Variants in ITSN2 observed in about 807,000 individuals in gnomAD.
The protein encoded by ITSN2 is intersectin 2.
ITSN2 carries 156 observed loss-of-function variants against 243.7 expected under a neutral mutation model. The observed-to-expected ratio is 0.64, with a 90% CI of 0.56 to 0.73. The LOEUF is 0.73. ITSN2 is among the 30% of genes least tolerant of loss of function. ITSN2 has a pLI of 0.00. For missense variants in ITSN2, 1,801 were observed against 1,996.1 expected, an observed-to-expected ratio of 0.90 and a Z score of 1.86; for synonymous variants, 703 against 699.9, an observed-to-expected ratio of 1.00 and a Z score of -0.07.
chr2:24,206,435 C>T (rs1023293682), intron 37 of ITSN2, among the ~76,000 whole-genome samples: 2 of 151,216 alleles, frequency 1.3e-5, no homozygotes, highest in African/African-American at 4.8e-5. Flanking sequence ...TGGCTCAGAG[C>T]ACAGGCCCCC....
chr2:24,237,364 A>G, intron 29 of ITSN2, among the ~76,000 whole-genome samples: 1 of 5,778 alleles, frequency 1.7e-4, no homozygotes, highest in Non-Finnish European at 4.0e-4. Context: ...TTTCTCATAT[A>G]ACCTGTTTCC....
chr2:24,215,920 T>G, intron 32 of ITSN2, 129 bp downstream of exon 32: 3 of 597,958 alleles, frequency 5.0e-6, no homozygotes, highest in African/African-American at 1.9e-5. Flanking sequence ...TTCTCTGCCG[T>G]TTTGGTGTTT....
intron 8 of ITSN2, among the ~76,000 whole-genome samples, chr2:24,308,119 G>A (rs1682786933): frequency 6.6e-6 from 1 of 152,198 alleles, no homozygotes; most frequent in African/African-American, 2.4e-5. Context: ...TTCAGATGAT[G>A]TTCTGGCCTG....
chr2:24,252,612 A>G, intron 24 of ITSN2, 101 bp from the exon 25 acceptor site: 1 of 736,396 alleles, frequency 1.4e-6, no homozygotes, highest in Non-Finnish European at 2.0e-6. Context: ...AGTTTGCTGT[A>G]AAAGACCTTG....
intron 1 of ITSN2, among the ~76,000 whole-genome samples, chr2:24,333,959 G>A (rs529868859): frequency 1.3e-4 from 20 of 152,124 alleles, no homozygotes; most frequent in South Asian, 4.2e-4. Context: ...GCACAATCTC[G>A]GCTCACTGCA....
chr2:24,334,388 T>C, intron 1 of ITSN2: 1 of 379,686 alleles, frequency 2.6e-6, no homozygotes. Flanking sequence ...AGAGATGGGG[T>C]TTCACCATCT....
intron 17 of ITSN2, among the ~76,000 whole-genome samples, chr2:24,276,340 C>T (rs1678013191): frequency 6.6e-6 from 1 of 152,130 alleles, no homozygotes; most frequent in Non-Finnish European, 1.5e-5. Context: ...AAAATCATGA[C>T]CACCATGAGC....
chr2:24,335,923 C>G (rs937596468), intron 1 of ITSN2, among the ~76,000 whole-genome samples: 18 of 151,792 alleles, frequency 1.2e-4, no homozygotes, highest in Admixed American at 3.3e-4. Context: ...TGAGCAACCA[C>G]GCCCAGCCCA....
chr2:24,331,430 T>TG (rs1558641201), intron 1 of ITSN2, among the ~76,000 whole-genome samples: 2 of 152,022 alleles, frequency 1.3e-5, no homozygotes, highest in Non-Finnish European at 1.5e-5. Context: ...TTGTTGTTTT[T>TG]GGGGGAAGGG....
chr2:24,305,666 A>G (rs1682441003), intron 8 of ITSN2, among the ~76,000 whole-genome samples: 2 of 151,586 alleles, frequency 1.3e-5, no homozygotes, highest in South Asian at 4.2e-4. Flanking sequence ...CCTCATCCTC[A>G]TGTTCTTGGG....
At chr2:24,229,609 A>G (rs959860957) in intron 29 of ITSN2, among the ~76,000 whole-genome samples, 2 of 152,154 alleles carry the variant, frequency 1.3e-5, no homozygotes, top group Non-Finnish European at 2.9e-5. Context: ...CAAAGAACCC[A>G]CAGAACCAAT....
At chr2:24,271,642 A>G in intron 19 of ITSN2, 124 bp downstream of exon 19, 1 of 1,244,622 alleles carries the variant, frequency 8.0e-7, no homozygotes, top group East Asian at 2.6e-5. Flanking sequence ...TTTAATTTAT[A>G]AAAAGGTTTT....
Position 24,221,065 on chromosome 2 carries a change from C to T in ITSN2, c.3579G>A (p.Trp1193Ter), listed in dbSNP as rs901515281. 3.1e-6 allele frequency: 5 copies of T among 1,598,286 alleles called. No individual in the cohort carries two copies. Among genetic ancestry groups the T allele is most frequent in the African/African-American group, 1.4e-5 (1 of 73,874 alleles). ...MTTDSDPSQQ[W>*]CADLQTLDTM... The stretch of plus-strand genomic sequence containing the variant: ...TGTCCAGGGTTTGCAGATCAGCACA[C>T]CCTGTGGAAAAAACAGGGTAGTTTA... The change falls in exon 30 of 40, where the codon TGG becomes TGA. Residue 1193 changes from tryptophan to a stop codon, truncating the protein, a stop_gained and splice_region_variant. Transcript: ENST00000355123. LOFTEE classifies it high-confidence loss of function.
intron 1 of ITSN2, among the ~76,000 whole-genome samples, chr2:24,333,912 C>CA (rs1158707765): frequency 6.6e-6 from 1 of 152,152 alleles, no homozygotes; most frequent in Non-Finnish European, 1.5e-5. Context: ...TTTTTTGAGA[C>CA]AGAGTCTCAT....
Position 24,204,454 on chromosome 2 carries a change from T to A in ITSN2, c.4763-36A>T, listed in dbSNP as rs374885580. On this transcript the variant is annotated intron_variant, in intron 38 of 39. Coordinates refer to ENST00000355123, the MANE Select transcript of ITSN2 (RefSeq NM_006277.3). The surrounding 1 kb of genome is among the most constrained non-coding windows in gnomAD (Gnocchi z 5.1). ...ACAAACCACAGACACATGTGGTGCA[T>A]GCAGGTAAAACGAAGCGACTGACAG... 4.5e-5 allele frequency: 72 copies of A among 1,607,630 alleles called. No individual in the cohort carries two copies. Among genetic ancestry groups the A allele is most frequent in the Middle Eastern group, 1.6e-4 (1 of 6,078 alleles).
Position 24,257,985 on chromosome 2 carries a change from G to A in ITSN2, c.2791C>T (p.Gln931Ter). The A allele has an allele frequency of 6.2e-7, 1 of 1,613,904 alleles. No homozygotes were observed. The highest frequency in any genetic ancestry group is 1.3e-5 in the African/African-American group (1 of 74,992). Residue 931 changes from glutamine to a stop codon, truncating the protein, a stop_gained, in exon 23 of 40, where the codon CAA becomes TAA. Coordinates refer to ENST00000355123, the MANE Select transcript of ITSN2 (RefSeq NM_006277.3). LOFTEE classifies it high-confidence loss of function. ...ACCTCCCCAAACCACCAATTTTCTT[G>A]CTGCTCCAAGACAGTAATAATGTCA... ...KHDIITVLEQ[Q>*]ENWWFGEVHG...
intron 13 of ITSN2, among the ~76,000 whole-genome samples, chr2:24,297,470 A>G (rs1681116165): frequency 6.6e-6 from 1 of 152,230 alleles, no homozygotes; most frequent in Non-Finnish European, 1.5e-5. Context: ...GCTAAGAACT[A>G]CAATCCTGCA....
At chr2:24,309,291 CA>C (rs1234093590) in intron 7 of ITSN2, among the ~76,000 whole-genome samples, 1 of 152,208 alleles carries the variant, frequency 6.6e-6, no homozygotes, top group Non-Finnish European at 1.5e-5. Context: ...CTCCCGGGTT[CA>C]AGCAATTCTC....
chr2:24,324,089 A>G (rs2151818853), intron 2 of ITSN2, among the ~76,000 whole-genome samples: 1 of 152,196 alleles, frequency 6.6e-6, no homozygotes, highest in Admixed American at 6.5e-5. Flanking sequence ...AAACTTAGCT[A>G]GGCGTGGTGG....
Sources: gnomAD v4.1 joint callset for allele counts (sites outside exome capture counted in the v4.1 genomes callset) on GRCh38, gnomAD v4.1.1 for gene constraint, Gnocchi (gnomAD v3.1) non-coding constraint, MANE v1.5 for transcripts, NCBI Gene and HGNC (gene_info 2026-07-23, HGNC 2026-07-21) for gene names.